Variants in SNX24 observed in about 807,000 individuals in gnomAD.
SNX24 encodes sorting nexin 24, also known as sorting nexin-24.
In SNX24, 22 loss-of-function variants were observed where a neutral mutation model predicts 28.7. The observed-to-expected ratio is 0.77, with a 90% CI of 0.55 to 1.10. SNX24 has a LOEUF of 1.10. SNX24 is among the 50% of genes least tolerant of loss of function. The probability of loss-of-function intolerance (pLI) is 0.00; values close to 1 mark genes in which losing one functional copy is unlikely to be tolerated. For synonymous variants in SNX24, 69 were observed against 71.5 expected (o/e 0.96, Z 0.18); for missense variants, 221 against 201.1 (o/e 1.10, Z -0.60).
At chr5:123,017,367 T>TC (rs1244565658) in intron 5 of SNX24, among the ~76,000 whole-genome samples, 11 of 151,880 alleles carry the variant, frequency 7.2e-5, no homozygotes, top group African/African-American at 2.4e-4. Context: ...GCCACTCACC[T>TC]CATTTTTGCC....
At chr5:122,869,206 G>C (rs1350725453) in intron 1 of SNX24, among the ~76,000 whole-genome samples, 2 of 152,176 alleles carry the variant, frequency 1.3e-5, no homozygotes, top group Non-Finnish European at 2.9e-5. Flanking sequence ...TTGAGCCTGA[G>C]CTAATAAATG....
intron 1 of SNX24, among the ~76,000 whole-genome samples, chr5:122,900,045 G>A (rs1028258257): frequency 9.9e-5 from 15 of 151,936 alleles, no homozygotes; most frequent in African/African-American, 2.9e-4. Flanking sequence ...TTTGAGACAG[G>A]GTCTTGCTCT....
chr5:122,899,927 T>G (rs991118206), intron 1 of SNX24, among the ~76,000 whole-genome samples: 1 of 152,204 alleles, frequency 6.6e-6, no homozygotes, highest in Non-Finnish European at 1.5e-5. Flanking sequence ...GAACCCATTT[T>G]AAAAATCTTG....
chr5:122,913,415 G>A (rs1446975354), intron 1 of SNX24, among the ~76,000 whole-genome samples: 6 of 150,322 alleles, frequency 4.0e-5, no homozygotes, highest in South Asian at 4.4e-4. Flanking sequence ...CCTCCCTCCC[G>A]GACGGGGCGG....
intron 6 of SNX24, 96 bp downstream of exon 6, chr5:123,002,100 G>A: frequency 1.0e-6 from 1 of 959,454 alleles, no homozygotes; most frequent in East Asian, 2.4e-5. Flanking sequence ...AGTGACATTG[G>A]TCCCGGGCTT....
chr5:122,889,729 A>G (rs199655439), intron 1 of SNX24, among the ~76,000 whole-genome samples: 1 of 14,630 alleles, frequency 6.8e-5, no homozygotes, highest in African/African-American at 4.1e-4. Flanking sequence ...ATGTATGTGT[A>G]TATATATATA....
intron 1 of SNX24, among the ~76,000 whole-genome samples, chr5:122,926,371 A>G (rs1352818739): frequency 6.6e-6 from 1 of 152,172 alleles, no homozygotes; most frequent in Non-Finnish European, 1.5e-5. Flanking sequence ...TGTGAAATAT[A>G]GATTGCTGCA....
chr5:122,956,646 G>A (rs1581795474), intron 3 of SNX24, among the ~76,000 whole-genome samples: 1 of 152,114 alleles, frequency 6.6e-6, no homozygotes, highest in East Asian at 1.9e-4. Flanking sequence ...TTTTATTTCC[G>A]ACCAACAGTG....
At position 122,890,864 on chromosome 5, in the gene SNX24, A is replaced by C. The variant is rs142696819; in HGVS notation, c.60+45171A>C. ...GGAAATGAGCTGTAGTTGAGCAATA[A>C]CGTTAACTGTAATCCTTTTTTGTAC... On this transcript the variant is annotated intron_variant, in intron 1 of 6. Coordinates refer to ENST00000261369, the MANE Select transcript of SNX24 (RefSeq NM_014035.4). Among the ~76,000 whole-genome samples, 660 of 152,306 alleles carry C rather than the reference A, an allele frequency of 4.3e-3. 7 individuals are homozygous for C. The highest frequency in any genetic ancestry group is 0.024 in the Middle Eastern group (7 of 294).
intron 3 of SNX24, among the ~76,000 whole-genome samples, chr5:122,966,884 T>TA (rs139102021): frequency 1.9e-3 from 294 of 152,320 alleles, no homozygotes; most frequent in African/African-American, 6.7e-3. Context: ...CTGGGCTATA[T>TA]TTAGCTTGTG....
intron 1 of SNX24, among the ~76,000 whole-genome samples, chr5:122,852,951 A>G (rs1279428686): frequency 6.6e-6 from 1 of 152,096 alleles, no homozygotes; most frequent in East Asian, 1.9e-4. Flanking sequence ...ATTCCACGCC[A>G]TGTCCTTCAG....
At chr5:123,025,071 C>T (rs1176145704) in intron 5 of SNX24, among the ~76,000 whole-genome samples, 1 of 152,142 alleles carries the variant, frequency 6.6e-6, no homozygotes, top group Non-Finnish European at 1.5e-5. Context: ...GTGAATGTGA[C>T]CTAGGTGTCT....
At chr5:122,873,922 C>T (rs568289296) in intron 1 of SNX24, among the ~76,000 whole-genome samples, 1 of 152,022 alleles carries the variant, frequency 6.6e-6, no homozygotes, top group African/African-American at 2.4e-5. Context: ...CCGGCCACCA[C>T]GTCTGGCTAA....
intron 3 of SNX24, among the ~76,000 whole-genome samples, chr5:122,999,637 C>G (rs1762174593): frequency 6.6e-6 from 1 of 152,216 alleles, no homozygotes; most frequent in Non-Finnish European, 1.5e-5. Flanking sequence ...TCCCCACTGT[C>G]TTGTCCCCTA....
At chr5:122,864,539 G>T (rs541655159) in intron 1 of SNX24, among the ~76,000 whole-genome samples, 1 of 152,334 alleles carries the variant, frequency 6.6e-6, no homozygotes, top group Admixed American at 6.5e-5. Context: ...ATTCAGTGAT[G>T]AGTTTTAAGG....
intron 1 of SNX24, among the ~76,000 whole-genome samples, chr5:122,905,604 A>G (rs1396695831): frequency 1.3e-5 from 2 of 152,166 alleles, no homozygotes; most frequent in Non-Finnish European, 2.9e-5. Context: ...CAAATACTAA[A>G]TCTGCAGCAC....
At chr5:123,005,851 T>C (rs576646002) in intron 6 of SNX24, among the ~76,000 whole-genome samples, 3 of 152,310 alleles carry the variant, frequency 2.0e-5, no homozygotes, top group Non-Finnish European at 4.4e-5. Flanking sequence ...TCACACGCTT[T>C]CAAAGATATA....
At chr5:122,872,692 A>T (rs1475974184) in intron 1 of SNX24, among the ~76,000 whole-genome samples, 1 of 152,182 alleles carries the variant, frequency 6.6e-6, no homozygotes, top group East Asian at 1.9e-4. Context: ...AATAATGAAC[A>T]AAAGAAAGTC....
chr5:123,021,899 G>A (rs1762767931), intron 5 of SNX24, among the ~76,000 whole-genome samples: 1 of 151,952 alleles, frequency 6.6e-6, no homozygotes, highest in Admixed American at 6.6e-5. Flanking sequence ...CTCCTGGAAG[G>A]CCCTTCTTGC....
Sources: allele counts gnomAD v4.1 joint callset (sites outside exome capture counted in the v4.1 genomes callset), GRCh38; gene constraint gnomAD v4.1.1; transcripts MANE v1.5; gene names NCBI Gene and HGNC (gene_info 2026-07-23, HGNC 2026-07-21).